The following HSD17B11 variants were observed in gnomAD, a reference collection of about 807,000 sequenced individuals.
HSD17B11 encodes estradiol 17-beta-dehydrogenase 11.
A neutral mutation model predicts 27.8 loss-of-function variants in HSD17B11; 22 were observed. The ratio of observed to expected loss-of-function variants is 0.79; its 90% CI spans 0.56 to 1.13. The LOEUF is 1.13. HSD17B11 is among the 50% of genes most tolerant of loss of function. HSD17B11 has a pLI of 0.00. For missense variants in HSD17B11, 314 were observed against 351.1 expected (o/e 0.89, Z 0.84); for synonymous variants, 117 against 132.8 (o/e 0.88, Z 0.82).
chr4:87,340,695 A>T, intron 5 of HSD17B11, 89 bp from the exon 6 acceptor site: 1 of 785,656 alleles, frequency 1.3e-6, no homozygotes. Context: ...AGTATGGTAC[A>T]GACACCATAA....
intron 1 of HSD17B11, 143 bp from the exon 2 acceptor site, chr4:87,382,505 G>A (rs1381475307): frequency 5.6e-6 from 3 of 536,288 alleles, no homozygotes; most frequent in Admixed American, 3.1e-5. Context: ...ACACATTTTT[G>A]GCAGGTATAT....
chr4:87,382,033 T>C (rs748580284), intron 2 of HSD17B11, among the ~76,000 whole-genome samples: 8 of 152,106 alleles, frequency 5.3e-5, no homozygotes, highest in Non-Finnish European at 1.2e-4. Context: ...AGAGTATATA[T>C]ATACATTTTT....
In HSD17B11 at chr4:87,373,081, T is replaced by C. The variant is rs1735751905; in HGVS notation, c.451-266A>G. On this transcript the variant is annotated intron_variant, in intron 3 of 6. Coordinates refer to ENST00000358290, the MANE Select transcript of HSD17B11 (RefSeq NM_016245.5). Reference sequence around the variant, plus strand: ...TCAGCCAGGTGTGGTGGCTCATGCCTGTAATCCCAGCACTTTGGGAGGCCA... The same window carrying C: ...TCAGCCAGGTGTGGTGGCTCATGCCCGTAATCCCAGCACTTTGGGAGGCCA... 3 of 355,382 alleles carry C rather than the reference T, an allele frequency of 8.4e-6. 1 individual carries two copies. In the South Asian group the frequency reaches 9.5e-5, roughly 11 times the overall value. The allele number at this position is 355,382 out of a possible 1,614,324, so 22.0% of individuals were successfully genotyped here. A position where few individuals can be genotyped will look rare whatever the true frequency, so the allele number is the denominator to read the frequency against.
intron 5 of HSD17B11, among the ~76,000 whole-genome samples, chr4:87,346,478 C>T (rs1464893310): frequency 6.6e-6 from 1 of 152,020 alleles, no homozygotes; most frequent in African/African-American, 2.4e-5. Context: ...GCAAAACCCC[C>T]ATCTCTACTA....
intron 5 of HSD17B11, among the ~76,000 whole-genome samples, chr4:87,347,213 C>T (rs1399070943): frequency 1.6e-5 from 1 of 63,966 alleles, no homozygotes; most frequent in Non-Finnish European, 2.7e-5. Flanking sequence ...CATGCTGGTG[C>T]GCTGCACCCA....
rs943341502 is a variant in HSD17B11, at chr4:87,375,470, G to A, written c.319-640C>T. 8.5e-5 allele frequency among the ~76,000 whole-genome samples: 13 copies of A among 152,246 alleles called. No homozygotes were observed. The East Asian group carries it at 1.5e-3, about 18-fold the overall frequency. On this transcript the variant is annotated intron_variant, in intron 2 of 6. Transcript: ENST00000358290. ...AAAAAAGTTAAATTAGGCTGGGTGC[G>A]GTGGCTCACGCCTGTAATCCCAGTA... is the stretch of plus-strand genomic sequence containing the variant.
intron 2 of HSD17B11, among the ~76,000 whole-genome samples, chr4:87,377,992 G>A (rs1442017933): frequency 2.6e-5 from 4 of 152,076 alleles, no homozygotes; most frequent in African/African-American, 9.7e-5. Flanking sequence ...AGGTCACATG[G>A]CTATTAAAAG....
At chr4:87,353,703 C>A (rs184902407) in intron 5 of HSD17B11, among the ~76,000 whole-genome samples, 1 of 152,004 alleles carries the variant, frequency 6.6e-6, no homozygotes, top group Non-Finnish European at 1.5e-5. Flanking sequence ...CTGGAGCCCA[C>A]GTTAAGGTCA....
At chr4:87,373,075 C>T (rs1735751780) in intron 3 of HSD17B11, 1 of 378,686 alleles carries the variant, frequency 2.6e-6, no homozygotes, top group South Asian at 2.9e-5. Context: ...TGTGGTGGCT[C>T]ATGCCTGTAA....
chr4:87,380,484 A>AGAAAAAAAAAAAG (rs111503563), intron 2 of HSD17B11, among the ~76,000 whole-genome samples: 1 of 138,644 alleles, frequency 7.2e-6, no homozygotes, highest in African/African-American at 2.6e-5. Flanking sequence ...AAAAAAAAAA[A>AGAAAAAAAAAAAG]AAAAGAAAAA....
intron 4 of HSD17B11, among the ~76,000 whole-genome samples, chr4:87,361,738 T>G (rs1408905426): frequency 7.2e-5 from 11 of 152,070 alleles, no homozygotes; most frequent in Non-Finnish European, 1.5e-4. Flanking sequence ...CTGCACTCCA[T>G]CATGGGCAAC....
rs1484962857 is a variant in HSD17B11, at chr4:87,378,889, TATATAA to T, written c.318+3360_318+3365del. 4.7e-3 allele frequency among the ~76,000 whole-genome samples: 51 copies of T among 10,888 alleles called. 5 individuals carry two copies. The highest frequency in any genetic ancestry group is 0.03 in the African/African-American group (50 of 1,690). 7.1% of individuals were successfully genotyped at this position (10,888 alleles called of 152,430 possible). On this transcript the variant is annotated intron_variant, in intron 2 of 6. Transcript: ENST00000358290. ...ATAAATATATATATATAAATATATA[TATATAA>T]ATATATATAAATATATATATATAAA...
chr4:87,381,749 A>AC (rs998553896), intron 2 of HSD17B11, among the ~76,000 whole-genome samples: 18 of 115,764 alleles, frequency 1.6e-4, no homozygotes, highest in East Asian at 2.3e-4. Flanking sequence ...ACAGAGTGAG[A>AC]CCCCCCATCT....
At chr4:87,380,404 C>A (rs1169591838) in intron 2 of HSD17B11, among the ~76,000 whole-genome samples, 1 of 135,994 alleles carries the variant, frequency 7.4e-6, no homozygotes, top group Admixed American at 8.2e-5. Flanking sequence ...ACCCAGGAGG[C>A]GGAGGTTGCA....
chr4:87,354,642 C>CAAAAAAAAT (rs1403092421), intron 5 of HSD17B11, among the ~76,000 whole-genome samples: 1 of 121,364 alleles, frequency 8.2e-6, no homozygotes, highest in Non-Finnish European at 1.7e-5. Context: ...ATCCTTGTCT[C>CAAAAAAAAT]AAAAAAAATA....
rs11369073 is a variant in HSD17B11, at chr4:87,343,547, C to CTT, written c.696-2943_696-2942dup. Among the ~76,000 whole-genome samples, 543 of 125,470 alleles carry CTT rather than the reference C, an allele frequency of 4.3e-3. 13 individuals carry two copies. Among genetic ancestry groups the CTT allele is most frequent in the Middle Eastern group, 0.017 (4 of 234 alleles). 82.3% of individuals were successfully genotyped at this position (125,470 alleles called of 152,430 possible). ...TAATTTTGGGGAAAACATTTCAACT[C>CTT]TTTTTTTTTTTTTTTTTTGAGACAG... On this transcript the variant is annotated intron_variant, in intron 5 of 6. Coordinates refer to ENST00000358290, the MANE Select transcript of HSD17B11 (RefSeq NM_016245.5).
intron 2 of HSD17B11, among the ~76,000 whole-genome samples, chr4:87,380,483 AAAAAAG>A (rs1435229917): frequency 1.4e-5 from 2 of 139,500 alleles, no homozygotes; most frequent in Admixed American, 1.5e-4. Context: ...AAAAAAAAAA[AAAAAAG>A]AAAAAAGAAA....
chr4:87,357,808 T>A (rs1377853918), intron 4 of HSD17B11, among the ~76,000 whole-genome samples: 2 of 152,156 alleles, frequency 1.3e-5, no homozygotes, highest in African/African-American at 4.8e-5. Context: ...TAAATCCTAT[T>A]CTTCCTTTAA....
chr4:87,378,038 A>C (rs1735872441), intron 2 of HSD17B11, among the ~76,000 whole-genome samples: 1 of 152,186 alleles, frequency 6.6e-6, no homozygotes, highest in African/African-American at 2.4e-5. Flanking sequence ...GTCTGACGTC[A>C]GAGCCCAAGA....
Sources: gnomAD v4.1 joint callset for allele counts (sites outside exome capture counted in the v4.1 genomes callset) on GRCh38, gnomAD v4.1.1 for gene constraint, MANE v1.5 for transcripts, NCBI Gene and HGNC (gene_info 2026-07-23, HGNC 2026-07-21) for gene names.